TGFBR3: variants seen among roughly 807,000 people sequenced by gnomAD.
The protein encoded by TGFBR3 is transforming growth factor beta receptor 3.
In TGFBR3, 46 loss-of-function variants were observed where a neutral mutation model predicts 87.9. The observed-to-expected ratio is 0.52, with a 90% CI of 0.41 to 0.67. The LOEUF (loss-of-function observed/expected upper bound fraction) is 0.67. Ranked by LOEUF, TGFBR3 falls within the 30% of genes least tolerant of loss-of-function variation. TGFBR3 has a pLI of 0.00. For synonymous variants in TGFBR3, 381 were observed against 391.6 expected (o/e 0.97, Z 0.32); for missense variants, 866 against 1,041.9 (o/e 0.83, Z 2.32).
chr1:91,734,666 G>C, intron 5 of TGFBR3, 110 bp downstream of exon 5: 1 of 1,383,022 alleles, frequency 7.2e-7, no homozygotes, highest in Non-Finnish European at 1.0e-6. Context: ...GTCCCTTCCA[G>C]GTCCAACATT....
rs1284195064 is a variant in TGFBR3, at chr1:91,729,809, A to T, written c.733T>A (p.Tyr245Asn). The T allele has an allele frequency of 6.2e-7, 1 of 1,614,158 alleles. No homozygotes were observed. The highest frequency in any genetic ancestry group is 1.7e-5 in the Admixed American group (1 of 60,024). The change falls in exon 6 of 17, where the codon TAC (tyrosine) becomes AAC (asparagine). Residue 245 changes from tyrosine to asparagine, a missense_variant. Coordinates refer to ENST00000212355, the MANE Select transcript of TGFBR3 (RefSeq NM_003243.5). ...IELITPNSNP[Y>N]SAFQVDITID... ...CACACACTTAGACTCACTTACCTGTAGGGGTTAGAGTTGGGGGTGATTAGC... is the reference window on the plus strand; with the variant it reads ...CACACACTTAGACTCACTTACCTGTTGGGGTTAGAGTTGGGGGTGATTAGC...
intron 2 of TGFBR3, among the ~76,000 whole-genome samples, 191 bp from the exon 3 acceptor site, chr1:91,797,662 G>A (rs1053080498): frequency 2.6e-5 from 4 of 152,114 alleles, no homozygotes; most frequent in Non-Finnish European, 4.4e-5. Flanking sequence ...TGGATAATTT[G>A]GTATGTATTT....
At chr1:91,820,673 G>A (rs12076247) in intron 2 of TGFBR3, among the ~76,000 whole-genome samples, 2,275 of 152,154 alleles carry the variant, frequency 0.015, 68 homozygotes, top group African/African-American at 0.052. Context: ...GTGACACAGC[G>A]AGACTCCGTC....
rs1364756208 is a variant in TGFBR3, at chr1:91,799,347, T to C, written c.62-1876A>G. The stretch of plus-strand genomic sequence containing the variant: ...GAAAGCATAAGGTGGTGAAGGAAGA[T>C]GTCCCGAGAGCAACAACAGGAGGTA... On this transcript the variant is annotated intron_variant, in intron 2 of 16. Transcript: ENST00000212355. Among the ~76,000 whole-genome samples the C allele has an allele frequency of 6.6e-5, 10 of 152,322 alleles. No homozygotes were observed. In the South Asian group the frequency reaches 1.7e-3, roughly 25 times the overall value.
chr1:91,849,823 C>T (rs1299044144), intron 2 of TGFBR3, among the ~76,000 whole-genome samples: 1 of 152,108 alleles, frequency 6.6e-6, no homozygotes, highest in African/African-American at 2.4e-5. Flanking sequence ...TGGCTCACGC[C>T]TGTAATCCCA....
chr1:91,879,322 C>G (rs1016756130), intron 1 of TGFBR3, among the ~76,000 whole-genome samples: 6 of 152,074 alleles, frequency 3.9e-5, no homozygotes, highest in Admixed American at 2.6e-4. Flanking sequence ...TTGCTAGGCT[C>G]TACATATAAC....
chr1:91,786,404 A>T (rs1674962050), intron 3 of TGFBR3, among the ~76,000 whole-genome samples: 1 of 152,194 alleles, frequency 6.6e-6, no homozygotes, highest in African/African-American at 2.4e-5. Flanking sequence ...TTCAAGGGCA[A>T]TTGCAGAGGA....
At chr1:91,779,884 C>T (rs1449313741) in intron 3 of TGFBR3, among the ~76,000 whole-genome samples, 1 of 152,176 alleles carries the variant, frequency 6.6e-6, no homozygotes, top group African/African-American at 2.4e-5. Context: ...ACCAAGGTGT[C>T]AGCAGAGCCA....
intron 14 of TGFBR3, among the ~76,000 whole-genome samples, chr1:91,705,578 A>C (rs1671775072): frequency 6.6e-6 from 1 of 152,172 alleles, no homozygotes; most frequent in African/African-American, 2.4e-5. Context: ...GGCAGAAAGC[A>C]CAGACTCCAG....
intron 2 of TGFBR3, among the ~76,000 whole-genome samples, chr1:91,803,189 G>C (rs977000162): frequency 3.3e-5 from 5 of 152,188 alleles, no homozygotes; most frequent in African/African-American, 1.2e-4. Flanking sequence ...CTCATTCCTC[G>C]GACACTTGCT....
In TGFBR3 at chr1:91,853,259, CAAAAAAAAAAAAA is replaced by C. The variant is rs11340974; in HGVS notation, c.61+8199_61+8211del. Among the ~76,000 whole-genome samples, 582 of 76,614 alleles carry C rather than the reference CAAAAAAAAAAAAA, an allele frequency of 7.6e-3. 4 individuals carry two copies. The highest frequency in any genetic ancestry group is 0.025 in the African/African-American group (563 of 22,960). 50.3% of individuals were successfully genotyped at this position (76,614 alleles called of 152,430 possible). On this transcript the variant is annotated intron_variant, in intron 2 of 16. Transcript: ENST00000212355. ...CTGTGTTCTAAGACCTGAGGGTTGG[CAAAAAAAAAAAAA>C]AAAAAAAAAAGAAGAAGAAGAAAAA...
In TGFBR3 at chr1:91,727,956, T is replaced by C. The variant is rs146839576; in HGVS notation, c.738-150A>G. The C allele has an allele frequency of 8.0e-4, 653 of 820,316 alleles. 4 individuals carry two copies. In the African/African-American group the frequency reaches 0.01, roughly 13 times the overall value. 50.8% of individuals were successfully genotyped at this position (820,316 alleles called of 1,614,324 possible). ...AGGCCAATGACATGTGCAAAACAGA[T>C]TGTTACTGCACACATAACAAAATTG... is the stretch of plus-strand genomic sequence containing the variant. On this transcript the variant is annotated intron_variant, in intron 6 of 16. Transcript: ENST00000212355.
At chr1:91,835,015 T>C (rs1251881403) in intron 2 of TGFBR3, among the ~76,000 whole-genome samples, 1 of 152,082 alleles carries the variant, frequency 6.6e-6, no homozygotes, top group Non-Finnish European at 1.5e-5. Context: ...AAGCTCCTCC[T>C]CCAGGAAAGG....
chr1:91,716,305 G>A lies in TGFBR3; in HGVS notation c.1797C>T (p.Asn599=). 2 of 1,614,190 alleles carry A rather than the reference G, an allele frequency of 1.2e-6. No homozygotes were observed. The highest frequency in any genetic ancestry group is 2.2e-5 in the South Asian group (2 of 91,082). ...GNITFNMELY[N]TDLFLVPSQG... ...GGGAGGGCACCAAAAAGAGGTCAGT[G>A]TTGTATAGCTCCATGTTGAAGGTGA... is the stretch of plus-strand genomic sequence containing the variant. Residue 599 remains asparagine, a synonymous_variant, in exon 12 of 17, where the codon AAC becomes AAT. Transcript: ENST00000212355.
At chr1:91,845,885 A>C (rs1677478042) in intron 2 of TGFBR3, among the ~76,000 whole-genome samples, 2 of 152,194 alleles carry the variant, frequency 1.3e-5, no homozygotes, top group South Asian at 4.2e-4. Context: ...AACACTTAAA[A>C]CCTGAATTGT....
In TGFBR3 at chr1:91,681,000, A is replaced by G. The variant is rs890444995; in HGVS notation, c.*2739T>C. ...GTATTATACAGACAATCTGCCTTGGAGTTTGGGGCATTTTAACAACAGCTT... is the reference window on the plus strand; with the variant it reads ...GTATTATACAGACAATCTGCCTTGGGGTTTGGGGCATTTTAACAACAGCTT... On this transcript the variant is annotated 3_prime_UTR_variant, in exon 17 of 17. Coordinates refer to ENST00000212355, the MANE Select transcript of TGFBR3 (RefSeq NM_003243.5). The G allele has an allele frequency of 4.4e-6, 2 of 453,976 alleles. No homozygotes were observed. The highest frequency in any genetic ancestry group is 3.1e-5 in the South Asian group (2 of 64,478). The allele number at this position is 453,976 out of a possible 1,614,324, so 28.1% of individuals were successfully genotyped here.
chr1:91,868,684 T>C (rs1678472988), intron 1 of TGFBR3, among the ~76,000 whole-genome samples: 1 of 152,204 alleles, frequency 6.6e-6, no homozygotes, highest in Non-Finnish European at 1.5e-5. Flanking sequence ...ATCATAAAGC[T>C]GTAATTATTC....
chr1:91,795,131 G>GACGCAGAGC (rs1675329716), intron 3 of TGFBR3, among the ~76,000 whole-genome samples: 1 of 152,162 alleles, frequency 6.6e-6, no homozygotes, highest in African/African-American at 2.4e-5. Flanking sequence ...CCGTATGTGA[G>GACGCAGAGC]CAACGCAGAG....
intron 13 of TGFBR3, 79 bp from the exon 14 acceptor site, chr1:91,708,862 T>C: frequency 1.3e-6 from 2 of 1,574,668 alleles, no homozygotes; most frequent in Non-Finnish European, 1.7e-6. Context: ...ACAGCTGTCC[T>C]GTGGCCTTTT....
Sources: gnomAD v4.1 joint callset for allele counts (sites outside exome capture counted in the v4.1 genomes callset) on GRCh38, gnomAD v4.1.1 for gene constraint, MANE v1.5 for transcripts, NCBI Gene and HGNC (gene_info 2026-07-23, HGNC 2026-07-21) for gene names.